PCDHA3: variants seen among roughly 807,000 people sequenced by gnomAD.
The protein encoded by PCDHA3 is protocadherin alpha-3.
A neutral mutation model predicts 62.2 loss-of-function variants in PCDHA3; 41 were observed. That is an observed-to-expected ratio of 0.66 (90% CI 0.51 to 0.86). The LOEUF is 0.86. Among genes scored for constraint, PCDHA3 ranks in the 40% least tolerant of loss-of-function variants. The pLI is 0.00. For missense variants in PCDHA3, 1,304 were observed against 1,241.2 expected (o/e 1.05, Z -0.76); for synonymous variants, 640 against 555.4 (o/e 1.15, Z -2.14).
intron 1 of PCDHA3, chr5:140,835,893 C>T: frequency 2.5e-6 from 4 of 1,612,040 alleles, no homozygotes; most frequent in Middle Eastern, 2.0e-4. Flanking sequence ...CGAGCGCGCG[C>T]TGTCGAGCTA....
At chr5:140,849,988 G>C in intron 1 of PCDHA3, 2 of 1,597,364 alleles carry the variant, frequency 1.3e-6, no homozygotes, top group South Asian at 1.1e-5. Context: ...GTGGAGCGGC[G>C]GTTGGGCGAG....
At chr5:141,004,681 G>A (rs1554259668) in intron 3 of PCDHA3, among the ~76,000 whole-genome samples, 1 of 152,176 alleles carries the variant, frequency 6.6e-6, no homozygotes. Flanking sequence ...CTGTGGAGTG[G>A]TGCTGAAACC....
At chr5:141,002,134 C>T (rs1477082485) in intron 3 of PCDHA3, among the ~76,000 whole-genome samples, 1 of 152,216 alleles carries the variant, frequency 6.6e-6, no homozygotes, top group African/African-American at 2.4e-5. Flanking sequence ...TAGCCTTTGC[C>T]GGCTGCACTG....
intron 1 of PCDHA3, chr5:140,830,451 A>G: frequency 6.3e-7 from 1 of 1,597,306 alleles, no homozygotes; most frequent in South Asian, 1.1e-5. Context: ...GGTAAGGCGG[A>G]GAATCAGGAT....
chr5:140,928,801 G>T (rs1554206325), intron 1 of PCDHA3: 1 of 1,614,066 alleles, frequency 6.2e-7, no homozygotes, highest in African/African-American at 1.3e-5. Flanking sequence ...GGTGGTGGTA[G>T]TGGTTCGGGA....
intron 3 of PCDHA3, among the ~76,000 whole-genome samples, chr5:140,993,767 G>A (rs115607244): frequency 3.3e-5 from 5 of 152,010 alleles, no homozygotes; most frequent in Non-Finnish European, 7.4e-5. Context: ...TTACAATTGC[G>A]CAGTATTTTG....
chr5:140,821,709 G>A, intron 1 of PCDHA3: 1 of 1,452,026 alleles, frequency 6.9e-7, no homozygotes, highest in African/African-American at 1.4e-5. Context: ...AGTTAATTGG[G>A]AATTGAATTT....
intron 3 of PCDHA3, among the ~76,000 whole-genome samples, chr5:140,997,904 A>G (rs1446627520): frequency 6.6e-6 from 1 of 152,224 alleles, no homozygotes; most frequent in Non-Finnish European, 1.5e-5. Flanking sequence ...TTCAAGAAGT[A>G]GAATTACAGA....
intron 1 of PCDHA3, among the ~76,000 whole-genome samples, chr5:140,978,243 C>T (rs2096793691): frequency 6.6e-6 from 1 of 152,170 alleles, no homozygotes; most frequent in South Asian, 2.1e-4. Context: ...ATTTCAGCTA[C>T]TCCCTGTTAA....
chr5:140,942,660 A>G (rs145204660), intron 1 of PCDHA3, among the ~76,000 whole-genome samples: 2 of 152,306 alleles, frequency 1.3e-5, no homozygotes, highest in East Asian at 1.9e-4. Context: ...CAGAAAAGCA[A>G]TAAGCACAAA....
At chr5:140,809,573 G>T (rs781833658) in intron 1 of PCDHA3, 7 of 1,596,946 alleles carry the variant, frequency 4.4e-6, no homozygotes, top group East Asian at 2.2e-5. Context: ...CTTTGCAAAG[G>T]TTAGTGTATA....
At chr5:140,924,715 C>T (rs1258622619) in intron 1 of PCDHA3, among the ~76,000 whole-genome samples, 5 of 151,692 alleles carry the variant, frequency 3.3e-5, no homozygotes, top group African/African-American at 7.3e-5. Context: ...TGCAACATGG[C>T]GAAACCTCAC....
At chr5:141,001,705 G>A (rs2098033380) in intron 3 of PCDHA3, among the ~76,000 whole-genome samples, 1 of 152,194 alleles carries the variant, frequency 6.6e-6, no homozygotes, top group African/African-American at 2.4e-5. Context: ...GAAATAGGGG[G>A]CGGGGAAGGA....
rs782777008 is a variant in PCDHA3, at chr5:140,801,467, A to C, written c.270A>C (p.Ile90=). The change falls in exon 1 of 4, where the codon ATA becomes ATC. Residue 90 remains isoleucine (I), a synonymous_variant. Coordinates refer to ENST00000522353, the MANE Select transcript of PCDHA3 (RefSeq NM_018906.3). ...GCATTTTGTTTGTGAATTCTCGGAT[A>C]GACCGCGAGGAACTGTGCGGGCGGA... is the stretch of plus-strand genomic sequence containing the variant. ...QNGILFVNSR[I]DREELCGRSA... is the part of the protein sequence containing the mutation. 5.2e-5 allele frequency: 84 copies of C among 1,613,952 alleles called. No individual in the cohort carries two copies. The highest frequency in any genetic ancestry group is 1.1e-4 in the East Asian group (5 of 44,902).
intron 1 of PCDHA3, chr5:140,821,850 A>T: frequency 6.2e-7 from 1 of 1,614,180 alleles, no homozygotes; most frequent in Non-Finnish European, 8.5e-7. Flanking sequence ...ACTGGAAGGC[A>T]GGGAGCGGCC....
At chr5:140,891,972 T>C (rs1273277446) in intron 1 of PCDHA3, among the ~76,000 whole-genome samples, 1 of 152,222 alleles carries the variant, frequency 6.6e-6, no homozygotes, top group African/African-American at 2.4e-5. Flanking sequence ...TAAATTTCCG[T>C]TCTCATAAAT....
At chr5:140,953,408 TG>T (rs782455726) in intron 1 of PCDHA3, among the ~76,000 whole-genome samples, 5 of 152,168 alleles carry the variant, frequency 3.3e-5, no homozygotes, top group Non-Finnish European at 5.9e-5. Context: ...CTGTTGCTCC[TG>T]GCTCCTCCCC....
intron 1 of PCDHA3, chr5:140,850,108 G>T: frequency 6.3e-7 from 1 of 1,596,108 alleles, no homozygotes; most frequent in Non-Finnish European, 8.6e-7. Context: ...GTGAGCGCGC[G>T]CGACGCGGGC....
intron 1 of PCDHA3, among the ~76,000 whole-genome samples, chr5:140,846,369 CTTTCTTTTTTTT>C (rs1156484325): frequency 9.8e-6 from 1 of 102,192 alleles, no homozygotes; most frequent in Non-Finnish European, 2.0e-5. Flanking sequence ...TCTTTTCTTT[CTTTCTTTTTTTT>C]TTTTTTTTTT....
Sources: gnomAD v4.1 joint callset for allele counts (sites outside exome capture counted in the v4.1 genomes callset) on GRCh38, gnomAD v4.1.1 for gene constraint, MANE v1.5 for transcripts, NCBI Gene and HGNC (gene_info 2026-07-23, HGNC 2026-07-21) for gene names.